The following MMP28 variants were observed in gnomAD, a reference collection of about 807,000 sequenced individuals.
The protein encoded by MMP28 is matrix metallopeptidase 28.
MMP28 carries 55 observed loss-of-function variants against 60.5 expected under a neutral mutation model. The ratio of observed to expected loss-of-function variants is 0.91; its 90% CI spans 0.73 to 1.14. The LOEUF (loss-of-function observed/expected upper bound fraction) is 1.14. Ranked by LOEUF, MMP28 falls within the 50% of genes most tolerant of loss-of-function variation. The probability of loss-of-function intolerance (pLI) is 0.00; values close to 1 mark genes in which losing one functional copy is unlikely to be tolerated. For missense variants in MMP28, 686 were observed against 738.3 expected (o/e 0.93, Z 0.82); for synonymous variants, 318 against 312.5 (o/e 1.02, Z -0.18).
Position 35,795,482 on chromosome 17 carries a change from C to T in MMP28, c.-105G>A. On this transcript the variant is annotated 5_prime_UTR_variant, in exon 1 of 8. Transcript: ENST00000605424. ...CCGGGGATGGGACTGCTCTGCGCCGCCCCCGCACGGAGAGGGACTGTCCCG... is the reference window on the plus strand; with the variant it reads ...CCGGGGATGGGACTGCTCTGCGCCGTCCCCGCACGGAGAGGGACTGTCCCG... The T allele has an allele frequency of 1.3e-6, 1 of 764,402 alleles. No individual in the cohort carries two copies. The highest frequency in any genetic ancestry group is 1.9e-6 in the Non-Finnish European group (1 of 533,912). 47.4% of individuals were successfully genotyped at this position (764,402 alleles called of 1,614,324 possible).
intron 1 of MMP28, among the ~76,000 whole-genome samples, chr17:35,784,767 A>G (rs2086602381): frequency 6.6e-6 from 1 of 151,912 alleles, no homozygotes; most frequent in Admixed American, 6.6e-5. Context: ...GGCTTGTTCA[A>G]TGGTTCTCTT....
intron 1 of MMP28, among the ~76,000 whole-genome samples, chr17:35,793,939 A>C (rs1356384784): frequency 2.0e-5 from 3 of 152,082 alleles, no homozygotes; most frequent in African/African-American, 7.2e-5. Flanking sequence ...CTTTACTAAA[A>C]ATACAAAAAT....
intron 1 of MMP28, among the ~76,000 whole-genome samples, chr17:35,794,804 G>A (rs2086917679): frequency 6.6e-6 from 1 of 152,134 alleles, no homozygotes; most frequent in Non-Finnish European, 1.5e-5. Context: ...AGTTTAAATG[G>A]CTTGCCCAAG....
At chr17:35,777,087 C>G (rs955777271) in intron 3 of MMP28, among the ~76,000 whole-genome samples, 1 of 152,196 alleles carries the variant, frequency 6.6e-6, no homozygotes, top group African/African-American at 2.4e-5. Context: ...CAAGCCCCTT[C>G]CACCTGGTAA....
intron 1 of MMP28, among the ~76,000 whole-genome samples, chr17:35,790,284 C>A (rs778138082): frequency 2.6e-5 from 4 of 151,978 alleles, no homozygotes; most frequent in Non-Finnish European, 5.9e-5. Context: ...AGGCTGGTCT[C>A]CAACTCTTGA....
At chr17:35,767,125 A>G in intron 7 of MMP28, 1 of 703,028 alleles carries the variant, frequency 1.4e-6, no homozygotes, top group Non-Finnish European at 2.6e-6. Flanking sequence ...GAGGGCAGAT[A>G]GCCCCGAAAG....
In MMP28 at chr17:35,773,413, C is replaced by G. The variant is rs1485202276; in HGVS notation, c.380-9G>C. 2.5e-6 allele frequency: 4 copies of G among 1,576,200 alleles called. No homozygotes were observed. The highest frequency in any genetic ancestry group is 3.4e-6 in the Non-Finnish European group (4 of 1,160,284). ...CTTGTACCATTTGTTACCTGCCACC[C>G]AGAAAGCCCACGTCAGTCACACCTG... On this transcript the variant is annotated splice_polypyrimidine_tract_variant and intron_variant, in intron 3 of 7. Coordinates refer to ENST00000605424, the MANE Select transcript of MMP28 (RefSeq NM_024302.5).
At chr17:35,764,691 G>C, downstream of MMP28, 1 of 1,452,892 alleles carries the variant, frequency 6.9e-7, no homozygotes, top group Non-Finnish European at 9.1e-7. Flanking sequence ...TTCTCTCTTG[G>C]AGCGCGGAGC....
chr17:35,772,096 A>G lies in MMP28; in HGVS notation c.604+1084T>C, dbSNP rs543553694. 1.7e-4 allele frequency among the ~76,000 whole-genome samples: 26 copies of G among 152,238 alleles called. No individual in the cohort carries two copies. The South Asian group carries it at 3.7e-3, about 22-fold the overall frequency. On this transcript the variant is annotated intron_variant, in intron 4 of 7. Coordinates refer to ENST00000605424, the MANE Select transcript of MMP28 (RefSeq NM_024302.5). ...ACTAAAAGGAGATCCTCCTGGGGGC[A>G]TGGAAAGTCAGCCGCATGTAGGAGG...
At chr17:35,783,585 C>T (rs996728555) in intron 1 of MMP28, among the ~76,000 whole-genome samples, 3 of 152,204 alleles carry the variant, frequency 2.0e-5, no homozygotes, top group African/African-American at 4.8e-5. Context: ...CACAGGTCGG[C>T]ATGGCTGGCA....
intron 1 of MMP28, among the ~76,000 whole-genome samples, chr17:35,784,037 T>C (rs2086580089): frequency 6.6e-6 from 1 of 152,070 alleles, no homozygotes; most frequent in Admixed American, 6.6e-5. Context: ...TACCAGCACT[T>C]TGGGAGGCCG....
intron 1 of MMP28, among the ~76,000 whole-genome samples, chr17:35,784,115 T>C (rs1396945105): frequency 6.6e-6 from 1 of 152,008 alleles, no homozygotes; most frequent in African/African-American, 2.4e-5. Context: ...ACCCCGTCTC[T>C]ACTAAAAACA....
At position 35,795,540 on chromosome 17, in the gene MMP28, G is replaced by T; in HGVS notation, c.-163C>A. 1 of 438,282 alleles carries T rather than the reference G, an allele frequency of 2.3e-6. No homozygotes were observed. Among genetic ancestry groups the T allele is most frequent in the Non-Finnish European group, 3.8e-6 (1 of 260,644 alleles). The allele number at this position is 438,282 out of a possible 1,614,324, so 27.1% of individuals were successfully genotyped here. ...GCCAGTGCCCTAGCTGCGCGCTCTG[G>T]GCCGCTCCTCCGCTGCCCTTCGCCG... is the stretch of plus-strand genomic sequence containing the variant. On this transcript the variant is annotated 5_prime_UTR_variant, in exon 1 of 8. Coordinates refer to ENST00000605424, the MANE Select transcript of MMP28 (RefSeq NM_024302.5).
At position 35,770,242 on chromosome 17, in the gene MMP28, G is replaced by T; in HGVS notation, c.675C>A (p.Ser225=). ...EAHFDQDERW[S]LSRRRGRNLF... is the part of the protein sequence containing the mutation. ...GGTTGCGCCCGCGGCGGCGGCTCAG[G>T]GACCAGCGCTCATCTTGGTCGAAGT... Residue 225 remains serine, a synonymous_variant, in exon 5 of 8, where the codon TCC becomes TCA. Coordinates refer to ENST00000605424, the MANE Select transcript of MMP28 (RefSeq NM_024302.5). 6.3e-7 allele frequency: 1 copy of T among 1,589,410 alleles called. No individual in the cohort carries two copies.
intron 1 of MMP28, among the ~76,000 whole-genome samples, chr17:35,794,466 G>A (rs929436626): frequency 6.6e-6 from 1 of 151,810 alleles, no homozygotes; most frequent in African/African-American, 2.4e-5. Context: ...GGCTGGTCTC[G>A]AACTCCTGAC....
intron 4 of MMP28, among the ~76,000 whole-genome samples, chr17:35,771,007 T>C (rs60040900): frequency 0.12 from 17,843 of 152,000 alleles, 1,428 homozygotes; most frequent in African/African-American, 0.22. Flanking sequence ...GAGCTGTGAT[T>C]GCGCCACTAC....
In MMP28 at chr17:35,766,359, A is replaced by C; in HGVS notation, c.*141T>G. 7.0e-7 allele frequency: 1 copy of C among 1,424,240 alleles called. No individual in the cohort carries two copies. 88.2% of individuals were successfully genotyped at this position (1,424,240 alleles called of 1,614,324 possible). On this transcript the variant is annotated 3_prime_UTR_variant, in exon 8 of 8. Coordinates refer to ENST00000605424, the MANE Select transcript of MMP28 (RefSeq NM_024302.5). The surrounding 1 kb of genome is among the most constrained non-coding windows in gnomAD (Gnocchi z 4.3). The stretch of plus-strand genomic sequence containing the variant: ...GCTGCATTCTTCAAGGAACAAAGGC[A>C]GACAGACTTCCAGATGGAGGCTTTG...
At chr17:35,778,327 G>A (rs1436880581) in intron 3 of MMP28, among the ~76,000 whole-genome samples, 1 of 152,120 alleles carries the variant, frequency 6.6e-6, no homozygotes, top group Admixed American at 6.6e-5. Context: ...GACTGCTAAT[G>A]GGCATGGGGT....
intron 2 of MMP28, 34 bp downstream of exon 2, chr17:35,779,210 C>T (rs761609861): frequency 6.3e-7 from 1 of 1,590,680 alleles, no homozygotes. Flanking sequence ...TCCTAGCACC[C>T]CTACCCCAAG....
Sources: allele counts gnomAD v4.1 joint callset (sites outside exome capture counted in the v4.1 genomes callset), GRCh38; gene constraint gnomAD v4.1.1; non-coding constraint Gnocchi (gnomAD v3.1); transcripts MANE v1.5; gene names NCBI Gene and HGNC (gene_info 2026-07-23, HGNC 2026-07-21).